Variants in PARD3B observed in about 807,000 individuals in gnomAD.
The protein encoded by PARD3B is partitioning defective 3 homolog B.
A neutral mutation model predicts 130.2 loss-of-function variants in PARD3B; 103 were observed. The ratio of observed to expected loss-of-function variants is 0.79; its 90% CI spans 0.67 to 0.93. The LOEUF is 0.93. Ranked by LOEUF, PARD3B falls within the 40% of genes least tolerant of loss-of-function variation. The pLI is 0.00. For missense variants in PARD3B, 1,609 were observed against 1,499.2 expected, an observed-to-expected ratio of 1.07 and a Z score of -1.21; for synonymous variants, 583 against 553.2, an observed-to-expected ratio of 1.05 and a Z score of -0.76.
intron 15 of PARD3B, among the ~76,000 whole-genome samples, chr2:205,195,661 A>G (rs2036642332): frequency 6.6e-6 from 1 of 152,198 alleles, no homozygotes; most frequent in African/African-American, 2.4e-5. Flanking sequence ...TATTTGCTCA[A>G]AAAGTAGGTG....
At chr2:204,922,681 AG>A (rs1326977868) in intron 2 of PARD3B, among the ~76,000 whole-genome samples, 5 of 131,846 alleles carry the variant, frequency 3.8e-5, no homozygotes, top group African/African-American at 1.5e-4. Context: ...AAAAAAATAC[AG>A]TTTTTTTTTT....
intron 2 of PARD3B, among the ~76,000 whole-genome samples, chr2:204,713,851 C>A (rs772389625): frequency 5.9e-5 from 9 of 151,888 alleles, no homozygotes; most frequent in Non-Finnish European, 1.3e-4. Context: ...TTCTGCCCAG[C>A]CCTGGAATCA....
At chr2:205,178,456 A>C (rs1192328658) in intron 13 of PARD3B, among the ~76,000 whole-genome samples, 2 of 152,264 alleles carry the variant, frequency 1.3e-5, no homozygotes, top group East Asian at 3.9e-4. Flanking sequence ...GTTTCAAAGA[A>C]AAAAAAGAAA....
At chr2:205,173,054 T>C (rs1028998282) in intron 12 of PARD3B, among the ~76,000 whole-genome samples, 5 of 152,110 alleles carry the variant, frequency 3.3e-5, no homozygotes, top group Non-Finnish European at 7.4e-5. Flanking sequence ...TATTAAATGC[T>C]CATAAAATAA....
rs764244775 is a variant in PARD3B, at chr2:205,158,704, T to C, written c.1435-18T>C. ...TGCTTTCTTCTCTTCACTCTTTTCA[T>C]GTGTATTCCCCTAACAGAAAGGAGA... On this transcript the variant is annotated intron_variant, in intron 10 of 22. Coordinates refer to ENST00000406610, the MANE Select transcript of PARD3B (RefSeq NM_001302769.2). The surrounding 1 kb of genome is among the most constrained non-coding windows in gnomAD (Gnocchi z 5.4). 1.9e-6 allele frequency: 3 copies of C among 1,592,400 alleles called. No homozygotes were observed. Among genetic ancestry groups the C allele is most frequent in the Admixed American group, 3.6e-5 (2 of 55,844 alleles).
At chr2:205,432,684 TTTAA>T (rs1440017993) in intron 19 of PARD3B, among the ~76,000 whole-genome samples, 3 of 152,280 alleles carry the variant, frequency 2.0e-5, no homozygotes, top group Non-Finnish European at 4.4e-5. Context: ...TTATTTAAAC[TTTAA>T]TTAATTAAAA....
Position 204,673,308 on chromosome 2 carries a change from T to A in PARD3B, c.121-12873T>A, listed in dbSNP as rs1428399642. 6.6e-6 allele frequency among the ~76,000 whole-genome samples: 1 copy of A among 152,250 alleles called. No homozygotes were observed. The highest frequency in any genetic ancestry group is 1.5e-5 in the Non-Finnish European group (1 of 68,048). ...AAAAGAAAAGGTACCTTTAAACATA[T>A]TTAATGCTGATGTAAAAAGTAGTAG... On this transcript the variant is annotated intron_variant, in intron 1 of 22. Transcript: ENST00000406610. This position sits in a 1 kb window ranked among gnomAD's most constrained non-coding sequence, Gnocchi z 4.7.
chr2:204,654,546 G>A (rs1165495230), intron 1 of PARD3B, among the ~76,000 whole-genome samples: 2 of 152,090 alleles, frequency 1.3e-5, no homozygotes, highest in Non-Finnish European at 2.9e-5. Flanking sequence ...TCTACAGATA[G>A]GAAGTTCTCA....
At chr2:205,306,944 T>C (rs7608827) in intron 18 of PARD3B, among the ~76,000 whole-genome samples, 1 of 152,186 alleles carries the variant, frequency 6.6e-6, no homozygotes, top group East Asian at 1.9e-4. Context: ...TGGAGTTAGA[T>C]GTGTGTTTTA....
intron 3 of PARD3B, among the ~76,000 whole-genome samples, chr2:205,002,159 G>A (rs1694896191): frequency 6.6e-6 from 1 of 152,282 alleles, no homozygotes; most frequent in East Asian, 1.9e-4. Flanking sequence ...AGCATTTATA[G>A]GGTGACAGTG....
intron 2 of PARD3B, among the ~76,000 whole-genome samples, chr2:204,698,192 G>C (rs76590979): frequency 0.054 from 8,195 of 152,094 alleles, 640 homozygotes; most frequent in African/African-American, 0.16. Context: ...ATTACGGATT[G>C]TCGTTGGTTA....
intron 1 of PARD3B, among the ~76,000 whole-genome samples, chr2:204,653,271 T>C (rs1362675776): frequency 3.2e-5 from 3 of 93,786 alleles, no homozygotes; most frequent in Non-Finnish European, 6.8e-5. Flanking sequence ...GAACCTAAAA[T>C]AAAAGTTAAA....
At position 204,568,955 on chromosome 2, in the gene PARD3B, GA is replaced by G. The variant is rs750550877; in HGVS notation, c.120+22851del. 4.3e-3 allele frequency among the ~76,000 whole-genome samples: 530 copies of G among 124,416 alleles called. 5 individuals are homozygous for G. Among genetic ancestry groups the G allele is most frequent in the East Asian group, 7.1e-3 (31 of 4,350 alleles). The allele number at this position is 124,416 out of a possible 152,430, so 81.6% of individuals were successfully genotyped here. A position where few individuals can be genotyped will look rare whatever the true frequency, so the allele number is the denominator to read the frequency against. Reference sequence around the variant, plus strand: ...GGGTGACAGAGTGAGACTGTCTCAGGAAAAAAAAAAAAAAATTGCAGGAAAA... The same window carrying G: ...GGGTGACAGAGTGAGACTGTCTCAGGAAAAAAAAAAAAAATTGCAGGAAAA... On this transcript the variant is annotated intron_variant, in intron 1 of 22. Transcript: ENST00000406610.
At chr2:204,744,700 A>T (rs1037214254) in intron 2 of PARD3B, among the ~76,000 whole-genome samples, 4 of 152,118 alleles carry the variant, frequency 2.6e-5, no homozygotes, top group Non-Finnish European at 4.4e-5. Flanking sequence ...TGGAGAGTTG[A>T]ACTTAATTCC....
chr2:205,001,167 T>G (rs1694799429), intron 3 of PARD3B, among the ~76,000 whole-genome samples: 1 of 152,112 alleles, frequency 6.6e-6, no homozygotes, highest in Non-Finnish European at 1.5e-5. Context: ...TTTCATATTT[T>G]TAGTAGAGAT....
intron 3 of PARD3B, among the ~76,000 whole-genome samples, chr2:204,975,334 C>T (rs1488260001): frequency 1.3e-5 from 2 of 152,170 alleles, no homozygotes; most frequent in Non-Finnish European, 2.9e-5. Flanking sequence ...TTAAAAATAA[C>T]TAAGGTCTCA....
At chr2:204,760,438 A>G (rs188334574) in intron 2 of PARD3B, among the ~76,000 whole-genome samples, 26 of 152,252 alleles carry the variant, frequency 1.7e-4, no homozygotes, top group Non-Finnish European at 3.1e-4. Context: ...TATAGCTTAT[A>G]TAATGAAAAA....
chr2:204,827,707 C>CA (rs1395315925), intron 2 of PARD3B, among the ~76,000 whole-genome samples: 4 of 152,160 alleles, frequency 2.6e-5, no homozygotes, highest in Non-Finnish European at 4.4e-5. Flanking sequence ...CCAAGCACTT[C>CA]AAAAAATGCA....
intron 2 of PARD3B, among the ~76,000 whole-genome samples, chr2:204,725,675 G>A (rs1349755326): frequency 6.6e-6 from 1 of 152,112 alleles, no homozygotes; most frequent in Non-Finnish European, 1.5e-5. Context: ...GTGAGTTTGA[G>A]GCTTTGGAAT....
Sources: allele counts gnomAD v4.1 joint callset (sites outside exome capture counted in the v4.1 genomes callset), GRCh38; gene constraint gnomAD v4.1.1; non-coding constraint Gnocchi (gnomAD v3.1); transcripts MANE v1.5; gene names NCBI Gene and HGNC (gene_info 2026-07-23, HGNC 2026-07-21).